Variants in MGAT5 observed in about 807,000 individuals in gnomAD.
MGAT5 encodes alpha-1,6-mannosylglycoprotein 6-beta-N-acetylglucosaminyltransferase A.
Under a neutral mutation model 94.3 loss-of-function variants are expected in MGAT5, and 30 were observed. The observed-to-expected ratio is 0.32, with a 90% confidence interval of 0.24 to 0.43. MGAT5 has a LOEUF of 0.43. Ranked by LOEUF, MGAT5 falls within the 20% of genes least tolerant of loss-of-function variation. The pLI is 1.00. For missense variants in MGAT5, 691 were observed against 905.5 expected, an observed-to-expected ratio of 0.76 and a Z score of 3.04; for synonymous variants, 310 against 322.9, an observed-to-expected ratio of 0.96 and a Z score of 0.43.
At chr2:134,186,170 T>C (rs1689011078) in intron 1 of MGAT5, among the ~76,000 whole-genome samples, 1 of 152,174 alleles carries the variant, frequency 6.6e-6, no homozygotes, top group Admixed American at 6.5e-5. Flanking sequence ...AAAGAGCAGT[T>C]CAATGTGGAA....
intron 15 of MGAT5, among the ~76,000 whole-genome samples, chr2:134,446,893 C>T (rs3791328): frequency 0.055 from 8,318 of 152,232 alleles, 425 homozygotes; most frequent in African/African-American, 0.13. Flanking sequence ...TCAGCTGCAA[C>T]TGAGCAGGAG....
In MGAT5 at chr2:134,268,643, A is replaced by G. The variant is rs10496724; in HGVS notation, c.242-1743A>G. Reference sequence around the variant, plus strand: ...AGAGTTCTTTGGGAAGGATGAGAACATTTTCCAGTGAAAGGTTTTATTTTA... The same window carrying G: ...AGAGTTCTTTGGGAAGGATGAGAACGTTTTCCAGTGAAAGGTTTTATTTTA... On this transcript the variant is annotated intron_variant, in intron 1 of 15. Coordinates refer to ENST00000281923, the MANE Select transcript of MGAT5 (RefSeq NM_002410.5). This position sits in a 1 kb window ranked among gnomAD's most constrained non-coding sequence, Gnocchi z 4.1. 0.073 allele frequency among the ~76,000 whole-genome samples: 11,115 copies of G among 152,238 alleles called. 907 individuals are homozygous for G. The highest frequency in any genetic ancestry group is 0.21 in the East Asian group (1,086 of 5,180).
intron 1 of MGAT5, among the ~76,000 whole-genome samples, chr2:134,204,715 A>G (rs536807330): frequency 2.0e-4 from 30 of 152,260 alleles, no homozygotes; most frequent in African/African-American, 7.0e-4. Context: ...AGAGGACTTG[A>G]TATTGCTCTT....
chr2:134,140,886 T>C (rs1388744818), intron 1 of MGAT5, among the ~76,000 whole-genome samples: 1 of 152,232 alleles, frequency 6.6e-6, no homozygotes, highest in African/African-American at 2.4e-5. Context: ...GGAGCCAGAA[T>C]TTCAACCTAG....
At position 134,381,382 on chromosome 2, in the gene MGAT5, T is replaced by TTAGATAGATAGATAGATAGA. The variant is rs61246431; in HGVS notation, c.1380+19006_1380+19025dup. Among the ~76,000 whole-genome samples the TTAGATAGATAGATAGATAGA allele has an allele frequency of 8.5e-4, 92 of 108,570 alleles. 1 individual carries two copies. The highest frequency in any genetic ancestry group is 8.3e-3 in the South Asian group (26 of 3,124). The allele number at this position is 108,570 out of a possible 152,430, so 71.2% of individuals were successfully genotyped here. ...AGATAGATAGATAAGATAAGATAGA[T>TTAGATAGATAGATAGATAGA]TAGATAGATAGATAGATAGATAGAT... On this transcript the variant is annotated intron_variant, in intron 10 of 15. Transcript: ENST00000281923.
intron 1 of MGAT5, among the ~76,000 whole-genome samples, chr2:134,256,464 G>C (rs1383980213): frequency 1.3e-5 from 2 of 152,170 alleles, no homozygotes; most frequent in African/African-American, 2.4e-5. Context: ...CCATGGGCAA[G>C]AAGAAGCCCC....
chr2:134,352,896 A>AG (rs1558816869), intron 9 of MGAT5, among the ~76,000 whole-genome samples: 1 of 152,218 alleles, frequency 6.6e-6, no homozygotes, highest in Non-Finnish European at 1.5e-5. Flanking sequence ...ATCCTGTCAT[A>AG]TGCTACAACA....
chr2:134,155,281 T>A (rs2105033646), intron 1 of MGAT5, among the ~76,000 whole-genome samples: 1 of 152,312 alleles, frequency 6.6e-6, no homozygotes, highest in South Asian at 2.1e-4. Flanking sequence ...CCATTCTCAC[T>A]TCCCTGTCTG....
intron 4 of MGAT5, among the ~76,000 whole-genome samples, chr2:134,332,720 A>G (rs551550990): frequency 0.028 from 4,319 of 152,206 alleles, 194 homozygotes; most frequent in African/African-American, 0.097. Context: ...AGAATCTACA[A>G]TGAACTCAAA....
chr2:134,189,602 GT>G lies in MGAT5; in HGVS notation c.-142-64642del, dbSNP rs912983981. On this transcript the variant is annotated intron_variant, in intron 1 of 16. Coordinates refer to the MGAT5 transcript ENST00000409645. ...AACCTCATGGCTCTAGTTTTTTTTT[GT>G]TTTTTTTTTTTTTTTTTAAGACAGA... 2.4e-4 allele frequency among the ~76,000 whole-genome samples: 20 copies of G among 84,654 alleles called. 1 individual carries two copies. The highest frequency in any genetic ancestry group is 4.2e-4 in the South Asian group (1 of 2,378). The allele number at this position is 84,654 out of a possible 152,430, so 55.5% of individuals were successfully genotyped here. A position where few individuals can be genotyped will look rare whatever the true frequency, so the allele number is the denominator to read the frequency against.
At chr2:134,385,291 C>G (rs559663996) in intron 10 of MGAT5, among the ~76,000 whole-genome samples, 1 of 152,274 alleles carries the variant, frequency 6.6e-6, no homozygotes, top group East Asian at 1.9e-4. Flanking sequence ...CTGAGTCTAT[C>G]TCTCCAAGTA....
At chr2:134,291,942 C>A (rs1057219455) in intron 2 of MGAT5, among the ~76,000 whole-genome samples, 1 of 152,068 alleles carries the variant, frequency 6.6e-6, no homozygotes, top group Non-Finnish European at 1.5e-5. Context: ...TGGAACTTTC[C>A]GTGACTGTTT....
intron 2 of MGAT5, among the ~76,000 whole-genome samples, chr2:134,299,332 A>G (rs1685880229): frequency 2.0e-5 from 3 of 152,316 alleles, no homozygotes; most frequent in South Asian, 4.1e-4. Context: ...ATTGTTCAGT[A>G]TAGACTAAAA....
chr2:134,125,394 C>T (rs1414671605), intron 1 of MGAT5, among the ~76,000 whole-genome samples: 1 of 152,142 alleles, frequency 6.6e-6, no homozygotes, highest in African/African-American at 2.4e-5. Flanking sequence ...GTGGTTAAGG[C>T]TGGTGAGTAT....
chr2:134,382,542 G>A (rs1476547670), intron 10 of MGAT5, among the ~76,000 whole-genome samples: 1 of 152,152 alleles, frequency 6.6e-6, no homozygotes, highest in Non-Finnish European at 1.5e-5. Context: ...TAGGGCCTTA[G>A]GAACACGAGT....
intron 1 of MGAT5, among the ~76,000 whole-genome samples, chr2:134,178,742 G>A (rs778048209): frequency 1.6e-4 from 24 of 152,110 alleles, no homozygotes; most frequent in Non-Finnish European, 2.8e-4. Flanking sequence ...CCCTTCCCCC[G>A]TGCCACATTC....
At chr2:134,245,028 T>A (rs1682164626) in intron 1 of MGAT5, among the ~76,000 whole-genome samples, 1 of 152,212 alleles carries the variant, frequency 6.6e-6, no homozygotes. Context: ...TATTATTATT[T>A]TTGAGGCAGC....
intron 1 of MGAT5, among the ~76,000 whole-genome samples, chr2:134,126,177 C>T (rs571965790): frequency 6.6e-6 from 1 of 152,344 alleles, no homozygotes; most frequent in South Asian, 2.1e-4. Context: ...TCCTTTCCTG[C>T]CCTCACCTGT....
At chr2:134,422,180 T>G (rs1442309464) in intron 12 of MGAT5, among the ~76,000 whole-genome samples, 1 of 152,130 alleles carries the variant, frequency 6.6e-6, no homozygotes, top group Non-Finnish European at 1.5e-5. Flanking sequence ...GAATGGACAC[T>G]TCATGAATTC....
Sources: allele counts gnomAD v4.1 joint callset (sites outside exome capture counted in the v4.1 genomes callset), GRCh38; gene constraint gnomAD v4.1.1; non-coding constraint Gnocchi (gnomAD v3.1); transcripts MANE v1.5; gene names NCBI Gene and HGNC (gene_info 2026-07-23, HGNC 2026-07-21).